ST8SIA3: variants seen among roughly 807,000 people sequenced by gnomAD.
The protein encoded by ST8SIA3 is alpha-N-acetylneuraminate alpha-2,8-sialyltransferase ST8SIA3.
In ST8SIA3, 17 loss-of-function variants were observed where a neutral mutation model predicts 34.5. The ratio of observed to expected loss-of-function variants is 0.49; its 90% CI spans 0.34 to 0.74. ST8SIA3 has a LOEUF of 0.74. ST8SIA3 is among the 30% of genes least tolerant of loss of function. The probability of loss-of-function intolerance (pLI) is 0.01; values close to 1 mark genes in which losing one functional copy is unlikely to be tolerated. For missense variants in ST8SIA3, 354 were observed against 467.8 expected, an observed-to-expected ratio of 0.76 and a Z score of 2.24; for synonymous variants, 172 against 176.1, an observed-to-expected ratio of 0.98 and a Z score of 0.19.
intron 3 of ST8SIA3, among the ~76,000 whole-genome samples, chr18:57,358,178 A>G (rs1257885536): frequency 1.3e-5 from 2 of 152,334 alleles, no homozygotes; most frequent in East Asian, 3.9e-4. Context: ...GGTGGAGGCC[A>G]GGTACTTGGT....
rs1281210483 is a variant in ST8SIA3 at position 57,353,358 on chromosome 18, G to T, written c.179+333G>T. 7.9e-5 allele frequency among the ~76,000 whole-genome samples: 12 copies of T among 152,120 alleles called. 1 individual carries two copies. The South Asian group carries it at 2.5e-3, about 32-fold the overall frequency. On this transcript the variant is annotated intron_variant, in intron 1 of 3. Transcript: ENST00000324000. ...AAAGACGGTGTGTTTGTTCGGGAGG[G>T]GGCGGCGAGCAGAGATGGACAGGCG...
chr18:57,356,315 T>C (rs564660438), intron 2 of ST8SIA3, among the ~76,000 whole-genome samples: 1 of 152,336 alleles, frequency 6.6e-6, no homozygotes, highest in South Asian at 2.1e-4. Context: ...ACTCCCTGTT[T>C]CATTATTCAA....
chr18:57,355,993 A>G (rs2144200812), intron 2 of ST8SIA3, among the ~76,000 whole-genome samples: 3 of 152,326 alleles, frequency 2.0e-5, no homozygotes, highest in Middle Eastern at 6.8e-3. Context: ...ATTTCATTTC[A>G]TTCCTGCTAC....
rs941675462 is a variant in ST8SIA3, at chr18:57,367,950, T to C, written c.*7673T>C. 3.3e-5 allele frequency: 5 copies of C among 152,620 alleles called. No homozygotes were observed. The highest frequency in any genetic ancestry group is 7.2e-5 in the African/African-American group (3 of 41,438). The allele number at this position is 152,620 out of a possible 1,614,324, so 9.5% of individuals were successfully genotyped here. A position where few individuals can be genotyped will look rare whatever the true frequency, so the allele number is the denominator to read the frequency against. On this transcript the variant is annotated 3_prime_UTR_variant, in exon 4 of 4. Coordinates refer to ENST00000324000, the MANE Select transcript of ST8SIA3 (RefSeq NM_015879.3). ...TGTATGGAAACATCGCAATACACTATCATTTACTCACATGGGACAACCACC... is the reference window on the plus strand; with the variant it reads ...TGTATGGAAACATCGCAATACACTACCATTTACTCACATGGGACAACCACC...
rs1337623235 is a variant in ST8SIA3 at position 57,356,988 on chromosome 18, G to A, written c.378G>A (p.Leu126=). 20 of 1,613,824 alleles carry A rather than the reference G, an allele frequency of 1.2e-5. No individual in the cohort carries two copies. The highest frequency in any genetic ancestry group is 1.6e-5 in the Non-Finnish European group (19 of 1,179,892). Residue 126 remains leucine (L), a synonymous_variant, in exon 3 of 4, where the codon CTG becomes CTA. Transcript: ENST00000324000. ...LTKNSVRIGQ[L]MHYDYSSHKY... ...AGAATAGTGTTCGGATTGGACAACT[G>A]ATGCACTATGATTATTCCAGCCATA...
chr18:57,355,328 G>A (rs1310806657), intron 2 of ST8SIA3, among the ~76,000 whole-genome samples: 6 of 152,258 alleles, frequency 3.9e-5, no homozygotes, highest in East Asian at 1.9e-4. Flanking sequence ...GCCATCTAGC[G>A]TATTCATTAG....
At chr18:57,353,672 G>A (rs1010204554) in intron 1 of ST8SIA3, among the ~76,000 whole-genome samples, 4 of 152,098 alleles carry the variant, frequency 2.6e-5, no homozygotes, top group African/African-American at 4.8e-5. Flanking sequence ...TCGCCAGGTC[G>A]GAGTCACCGC....
Position 57,357,099 on chromosome 18 carries a change from T to G in ST8SIA3, c.489T>G (p.Ala163=). The G allele has an allele frequency of 6.2e-7, 1 of 1,614,098 alleles. No individual in the cohort carries two copies. The highest frequency in any genetic ancestry group is 8.5e-7 in the Non-Finnish European group (1 of 1,179,970). The change falls in exon 3 of 4, where the codon GCT becomes GCG. Residue 163 remains alanine (A), a synonymous_variant. Coordinates refer to ENST00000324000, the MANE Select transcript of ST8SIA3 (RefSeq NM_015879.3). ...TGAACAAGCATTATAATATTTGTGC[T>G]GTGGTTGGAAATAGTGGGATCCTGA... ...PIMNKHYNIC[A]VVGNSGILTG...
intron 3 of ST8SIA3, among the ~76,000 whole-genome samples, chr18:57,357,856 T>A (rs1238747352): frequency 6.6e-6 from 1 of 152,234 alleles, no homozygotes; most frequent in African/African-American, 2.4e-5. Flanking sequence ...GTTTTTCTTT[T>A]TAGAAACGAT....
In ST8SIA3 at chr18:57,354,499, A is replaced by C. The variant is rs1347670828; in HGVS notation, c.277A>C (p.Asn93His). The change falls in exon 2 of 4, where the codon AAT (asparagine) becomes CAT (histidine). Residue 93 changes from asparagine to histidine, a missense_variant. Coordinates refer to ENST00000324000, the MANE Select transcript of ST8SIA3 (RefSeq NM_015879.3). ...AGAGAAACCTTCTAAGTGGAAATTT[A>C]ATCGGACAGCGTTTTTACATCAAAG... ...LQEKPSKWKF[N>H]RTAFLHQRQE... The C allele has an allele frequency of 1.2e-6, 2 of 1,614,214 alleles. No individual in the cohort carries two copies. Among genetic ancestry groups the C allele is most frequent in the East Asian group, 2.2e-5 (1 of 44,884 alleles).
In ST8SIA3 at chr18:57,368,669, G is replaced by A. The variant is rs568915715; in HGVS notation, c.*8392G>A. Reference sequence around the variant, plus strand: ...GCCCTTGGAAACAAGCTGCCAGAATGTGAGGGCCACAGAGACCCAAGAGAA... The same window carrying A: ...GCCCTTGGAAACAAGCTGCCAGAATATGAGGGCCACAGAGACCCAAGAGAA... On this transcript the variant is annotated 3_prime_UTR_variant, in exon 4 of 4. Transcript: ENST00000324000. 4 of 152,346 alleles carry A rather than the reference G, an allele frequency of 2.6e-5. No individual in the cohort carries two copies. The allele number at this position is 152,346 out of a possible 1,614,324, so 9.4% of individuals were successfully genotyped here.
At position 57,352,769 on chromosome 18, in the gene ST8SIA3, C is replaced by T. The variant is rs1053237235; in HGVS notation, c.-78C>T. ...ACACACACACACACACACACACACACATATATACACGCCAGCGAGCTGCTG... is the reference window on the plus strand; with the variant it reads ...ACACACACACACACACACACACACATATATATACACGCCAGCGAGCTGCTG... On this transcript the variant is annotated 5_prime_UTR_variant, in exon 1 of 4. Transcript: ENST00000324000. 1.5e-4 allele frequency: 152 copies of T among 1,024,460 alleles called. No homozygotes were observed. Among genetic ancestry groups the T allele is most frequent in the East Asian group, 3.4e-4 (11 of 32,574 alleles). The allele number at this position is 1,024,460 out of a possible 1,614,324, so 63.5% of individuals were successfully genotyped here.
chr18:57,359,005 C>T (rs2049814307), intron 3 of ST8SIA3, among the ~76,000 whole-genome samples: 1 of 152,188 alleles, frequency 6.6e-6, no homozygotes, highest in Admixed American at 6.5e-5. Flanking sequence ...GAAGAAGAAA[C>T]TGCATGTGCT....
chr18:57,359,038 T>C (rs1214263292), intron 3 of ST8SIA3, among the ~76,000 whole-genome samples: 1 of 152,190 alleles, frequency 6.6e-6, no homozygotes, highest in Non-Finnish European at 1.5e-5. Flanking sequence ...GAAACTATCC[T>C]GTGTGGCTGC....
Position 57,360,739 on chromosome 18 carries a change from ATCT to A in ST8SIA3, c.*463_*465del, listed in dbSNP as rs2049825671. On this transcript the variant is annotated 3_prime_UTR_variant, in exon 4 of 4. Coordinates refer to ENST00000324000, the MANE Select transcript of ST8SIA3 (RefSeq NM_015879.3). ...GGTTTGCATATCTCATCTTCTATCTATCTCCCTATCTCCATCTCTATCACCATC... is the reference window on the plus strand; with the variant it reads ...GGTTTGCATATCTCATCTTCTATCTACCCTATCTCCATCTCTATCACCATC... 1 of 158,104 alleles carries A rather than the reference ATCT, an allele frequency of 6.3e-6. No homozygotes were observed. The highest frequency in any genetic ancestry group is 2.4e-5 in the African/African-American group (1 of 41,446). The allele number at this position is 158,104 out of a possible 1,614,324, so 9.8% of individuals were successfully genotyped here. A position where few individuals can be genotyped will look rare whatever the true frequency, so the allele number is the denominator to read the frequency against.
rs1239830419 is a variant in ST8SIA3, at chr18:57,360,026, C to T, written c.892C>T (p.Arg298Trp). The change falls in exon 4 of 4, where the codon CGG (arginine) becomes TGG (tryptophan). Residue 298 changes from arginine to tryptophan, a missense_variant. Physicochemically the swap from Arg to Trp is moderately radical, Grantham distance 101 (BLOSUM62 -3). Around this residue, in one of 3 missense-constraint regions of ST8SIA3, gnomAD observed 166 missense variants for 245.2 expected, o/e 0.68. Coordinates refer to ENST00000324000, the MANE Select transcript of ST8SIA3 (RefSeq NM_015879.3). Reference protein sequence around the residue: ...YWKNKHLSPKRLSTGILMYTL... With the variant: ...YWKNKHLSPKWLSTGILMYTL... The stretch of plus-strand genomic sequence containing the variant: ...GAAAAACAAACATTTGTCACCTAAA[C>T]GGCTGAGCACAGGTATTCTTATGTA... 8 of 1,613,034 alleles carry T rather than the reference C, an allele frequency of 5.0e-6. No individual in the cohort carries two copies. The highest frequency in any genetic ancestry group is 2.2e-5 in the East Asian group (1 of 44,870).
At chr18:57,355,749 T>C (rs963399693) in intron 2 of ST8SIA3, among the ~76,000 whole-genome samples, 3 of 152,166 alleles carry the variant, frequency 2.0e-5, no homozygotes, top group African/African-American at 7.2e-5. Flanking sequence ...GTGACCCAAA[T>C]GACCAGTCAG....
rs564372326 is a variant in ST8SIA3, at chr18:57,354,574, T to TCAAAA, written c.302+66_302+70dup. On this transcript the variant is annotated intron_variant, in intron 2 of 3. Coordinates refer to ENST00000324000, the MANE Select transcript of ST8SIA3 (RefSeq NM_015879.3). ...AAGGTGCTTTTAAGAATTCAAGAGCTCAAAACAAAACAAAACAAAAACAAG... is the reference window on the plus strand; with the variant it reads ...AAGGTGCTTTTAAGAATTCAAGAGCTCAAAACAAAACAAAACAAAACAAAAACAAG... The TCAAAA allele has an allele frequency of 4.9e-5, 78 of 1,603,724 alleles. 1 individual carries two copies. The East Asian group carries it at 6.3e-4, about 13-fold the overall frequency.
chr18:57,360,091 T>C lies in ST8SIA3; in HGVS notation c.957T>C (p.Tyr319=). 2.5e-6 allele frequency: 4 copies of C among 1,614,176 alleles called. No homozygotes were observed. The highest frequency in any genetic ancestry group is 3.4e-6 in the Non-Finnish European group (4 of 1,180,018). The change falls in exon 4 of 4, where the codon TAT becomes TAC. Residue 319 remains tyrosine (Y), a synonymous_variant. Coordinates refer to ENST00000324000, the MANE Select transcript of ST8SIA3 (RefSeq NM_015879.3). ...CAATATGTGAAGAGATCCACTTGTA[T>C]GGATTTTGGCCGTTTGGATTTGACC... is the stretch of plus-strand genomic sequence containing the variant. ...ASAICEEIHL[Y]GFWPFGFDPN...
Sources: gnomAD v4.1 joint callset for allele counts (sites outside exome capture counted in the v4.1 genomes callset) on GRCh38, gnomAD v4.1.1 for gene constraint, gnomAD v4.1.1 regional missense constraint, MANE v1.5 for transcripts, NCBI Gene and HGNC (gene_info 2026-07-23, HGNC 2026-07-21) for gene names.